The following C19orf18 variants were observed in gnomAD, a reference collection of about 807,000 sequenced individuals.
The protein encoded by C19orf18 is chromosome 19 open reading frame 18.
A neutral mutation model predicts 23.3 loss-of-function variants in C19orf18; 21 were observed. That is an observed-to-expected ratio of 0.90 (90% CI 0.64 to 1.30). C19orf18 has a LOEUF of 1.30. Ranked by LOEUF, C19orf18 falls within the 50% of genes most tolerant of loss-of-function variation. C19orf18 has a pLI of 0.00. For synonymous variants in C19orf18, 96 were observed against 95.2 expected (o/e 1.01, Z -0.05); for missense variants, 249 against 259.6 (o/e 0.96, Z 0.28).
chr19:57,974,165 C>T lies in C19orf18; in HGVS notation c.160G>A (p.Glu54Lys). 1 of 1,614,114 alleles carries T rather than the reference C, an allele frequency of 6.2e-7. No individual in the cohort carries two copies. Among genetic ancestry groups the T allele is most frequent in the Non-Finnish European group, 8.5e-7 (1 of 1,180,024 alleles). Residue 54 changes from glutamate (E) to lysine (K), a missense_variant, in exon 2 of 6, where the codon GAG becomes AAG. Physicochemically the swap from Glu to Lys is moderately conservative, Grantham distance 56 (BLOSUM62 1). Coordinates refer to ENST00000314391, the MANE Select transcript of C19orf18 (RefSeq NM_152474.5). Reference sequence around the variant, plus strand: ...GTTTTATGAAAGAACACTTTGGGCTCTTTGGTGATGTTTCTGGGTGGTTGT... The same window carrying T: ...GTTTTATGAAAGAACACTTTGGGCTTTTTGGTGATGTTTCTGGGTGGTTGT... ...RSQPPRNITK[E>K]PKVFFHKTQL...
At chr19:57,965,983 C>CT (rs778626671) in intron 4 of C19orf18, among the ~76,000 whole-genome samples, 2,418 of 141,298 alleles carry the variant, frequency 0.017, 71 homozygotes, top group African/African-American at 0.055. Flanking sequence ...TTTTCTTTTT[C>CT]TTTTTTTTTT....
At chr19:57,961,658 G>T in intron 4 of C19orf18, 107 bp from the exon 5 acceptor site, 1 of 1,242,552 alleles carries the variant, frequency 8.0e-7, no homozygotes, top group South Asian at 1.4e-5. Flanking sequence ...TGGAGTGGGT[G>T]CAGACATAAG....
At chr19:57,963,467 G>A (rs2072887097) in intron 4 of C19orf18, among the ~76,000 whole-genome samples, 1 of 152,086 alleles carries the variant, frequency 6.6e-6, no homozygotes, top group African/African-American at 2.4e-5. Context: ...CAAAAGGAAA[G>A]GTGTGAGTCC....
intron 4 of C19orf18, among the ~76,000 whole-genome samples, chr19:57,962,252 G>C (rs1162062690): frequency 1.3e-5 from 2 of 151,850 alleles, no homozygotes; most frequent in African/African-American, 4.8e-5. Flanking sequence ...GCCCAGGATG[G>C]TCTCAAACTC....
At chr19:57,965,307 G>A (rs937559818) in intron 4 of C19orf18, among the ~76,000 whole-genome samples, 2 of 151,824 alleles carry the variant, frequency 1.3e-5, no homozygotes, top group Non-Finnish European at 2.9e-5. Context: ...GCTAATTTTT[G>A]TATTTTTAGC....
chr19:57,960,197 T>C (rs969691660), intron 5 of C19orf18, among the ~76,000 whole-genome samples: 40 of 150,282 alleles, frequency 2.7e-4, no homozygotes, highest in Non-Finnish European at 1.2e-4. Context: ...GAGGCTGAGG[T>C]GGGTGGATTA....
At chr19:57,973,412 G>A (rs1023545367) in intron 2 of C19orf18, among the ~76,000 whole-genome samples, 1 of 151,754 alleles carries the variant, frequency 6.6e-6, no homozygotes, top group African/African-American at 2.4e-5. Flanking sequence ...AAATTAGAAG[G>A]GAACCATAGA....
chr19:57,958,994 T>C (rs970461940), intron 5 of C19orf18, among the ~76,000 whole-genome samples: 4 of 152,044 alleles, frequency 2.6e-5, no homozygotes, highest in Non-Finnish European at 2.9e-5. Context: ...ATTGGGAAAA[T>C]GTTTTCTACA....
intron 4 of C19orf18, among the ~76,000 whole-genome samples, chr19:57,962,032 C>A (rs956193075): frequency 6.7e-6 from 1 of 149,622 alleles, no homozygotes; most frequent in African/African-American, 2.5e-5. Context: ...CTCTTTCTCT[C>A]TCTCTTTCTC....
intron 3 of C19orf18, among the ~76,000 whole-genome samples, chr19:57,970,771 G>A (rs1006293969): frequency 3.9e-5 from 6 of 151,962 alleles, no homozygotes; most frequent in African/African-American, 1.5e-4. Flanking sequence ...TGTTGTCCAG[G>A]CTGGTCTCAA....
intron 3 of C19orf18, among the ~76,000 whole-genome samples, chr19:57,971,952 C>T (rs2072947532): frequency 6.6e-6 from 1 of 152,142 alleles, no homozygotes; most frequent in South Asian, 2.1e-4. Context: ...ATGCTGGCTA[C>T]ATGTGAAAGC....
At chr19:57,973,483 T>C (rs938568403) in intron 2 of C19orf18, among the ~76,000 whole-genome samples, 7 of 152,138 alleles carry the variant, frequency 4.6e-5, no homozygotes, top group Non-Finnish European at 7.4e-5. Context: ...CCCAGCACTT[T>C]GAGAGGCCGA....
At chr19:57,960,242 C>T (rs1172977532) in intron 5 of C19orf18, among the ~76,000 whole-genome samples, 6 of 151,506 alleles carry the variant, frequency 4.0e-5, no homozygotes, top group Admixed American at 1.3e-4. Flanking sequence ...CTGGCTAACA[C>T]GGTGAAACCC....
At position 57,961,495 on chromosome 19, in the gene C19orf18, C is replaced by A. The variant is rs1459990050; in HGVS notation, c.428G>T (p.Arg143Met). ...QQLESLYKNLRIPLLGDEEEG... is the reference protein window; with the variant it reads ...QQLESLYKNLMIPLLGDEEEG... The stretch of plus-strand genomic sequence containing the variant: ...TTCTTCATCTCCTAATAACGGTATC[C>A]TGAGGTTCTTATAAAGTGACTCGAG... The change falls in exon 5 of 6, where the codon AGG becomes ATG. Residue 143 changes from arginine to methionine, a missense_variant. Arg to Met is a moderately conservative substitution (Grantham distance 91). Transcript: ENST00000314391. 1.2e-6 allele frequency: 2 copies of A among 1,614,008 alleles called. No homozygotes were observed.
At position 57,961,396 on chromosome 19, in the gene C19orf18, T is replaced by C. The variant is rs1232886993; in HGVS notation, c.527A>G (p.His176Arg). Residue 176 changes from histidine (H) to arginine (R), a missense_variant, in exon 5 of 6, where the codon CAC becomes CGC. His to Arg is a conservative substitution (Grantham distance 29). Transcript: ENST00000314391. ...ENENELEKFIHSVIISKRSKN... is the reference protein window; with the variant it reads ...ENENELEKFIRSVIISKRSKN... ...GCTCTTACAGGTCACACTACCTGAGTGGATGAACTTTTCCAGCTCATTTTC... is the reference window on the plus strand; with the variant it reads ...GCTCTTACAGGTCACACTACCTGAGCGGATGAACTTTTCCAGCTCATTTTC... 6.2e-7 allele frequency: 1 copy of C among 1,612,966 alleles called. No homozygotes were observed. The highest frequency in any genetic ancestry group is 1.3e-5 in the African/African-American group (1 of 74,838).
At chr19:57,966,919 C>T (rs185920568) in intron 3 of C19orf18, among the ~76,000 whole-genome samples, 200 of 152,136 alleles carry the variant, frequency 1.3e-3, no homozygotes, top group Non-Finnish European at 2.4e-3. Flanking sequence ...TACAGGCATG[C>T]GCCACCACAC....
intron 5 of C19orf18, among the ~76,000 whole-genome samples, 185 bp from the exon 6 acceptor site, chr19:57,958,902 A>AT (rs1293490582): frequency 1.3e-5 from 2 of 152,204 alleles, no homozygotes; most frequent in Non-Finnish European, 2.9e-5. Context: ...ATTTTCCCAT[A>AT]TTTTGTATTC....
intron 2 of C19orf18, among the ~76,000 whole-genome samples, chr19:57,973,497 G>A (rs1438974063): frequency 2.0e-5 from 3 of 151,966 alleles, no homozygotes; most frequent in Non-Finnish European, 2.9e-5. Flanking sequence ...AGGCCGAGGC[G>A]GGCGGATCAT....
chr19:57,974,042 T>G, intron 2 of C19orf18, 57 bp downstream of exon 2: 2 of 1,531,986 alleles, frequency 1.3e-6, no homozygotes, highest in Non-Finnish European at 1.8e-6. Context: ...ACATGGCAGA[T>G]AAGAGGACTC....
Sources: allele counts gnomAD v4.1 joint callset (sites outside exome capture counted in the v4.1 genomes callset), GRCh38; gene constraint gnomAD v4.1.1; transcripts MANE v1.5; gene names NCBI Gene and HGNC (gene_info 2026-07-23, HGNC 2026-07-21).